Variants in CHRNA4 observed in about 807,000 individuals in gnomAD.
The protein encoded by CHRNA4 is cholinergic receptor nicotinic alpha 4 subunit.
CHRNA4 carries 28 observed loss-of-function variants against 48.9 expected under a neutral mutation model. The observed-to-expected ratio is 0.57, with a 90% CI of 0.42 to 0.79. CHRNA4 has a LOEUF of 0.79. CHRNA4 is among the 30% of genes least tolerant of loss of function. CHRNA4 has a pLI of 0.00. For synonymous variants in CHRNA4, 425 were observed against 402.3 expected (o/e 1.06, Z -0.68); for missense variants, 859 against 898.4 (o/e 0.96, Z 0.56).
chr20:63,346,351 C>T lies in CHRNA4; in HGVS notation c.*387G>A, dbSNP rs1214011084. 2.1e-6 allele frequency: 1 copy of T among 467,644 alleles called. No homozygotes were observed. The highest frequency in any genetic ancestry group is 6.4e-5 in the East Asian group (1 of 15,506). The allele number at this position is 467,644 out of a possible 1,614,324, so 29.0% of individuals were successfully genotyped here. A position where few individuals can be genotyped will look rare whatever the true frequency, so the allele number is the denominator to read the frequency against. ...TTGGGGCTGAAGGGGCGTGAACTCCCTTCAAGGGCCCCTTGGGGCGGTCGG... is the reference window on the plus strand; with the variant it reads ...TTGGGGCTGAAGGGGCGTGAACTCCTTTCAAGGGCCCCTTGGGGCGGTCGG... On this transcript the variant is annotated 3_prime_UTR_variant, in exon 6 of 6. Transcript: ENST00000370263.
intron 2 of CHRNA4, 161 bp downstream of exon 2, chr20:63,359,387 C>T (rs1013011812): frequency 2.8e-5 from 25 of 888,256 alleles, no homozygotes; most frequent in East Asian, 5.3e-5. Flanking sequence ...GGGGCTCAGG[C>T]GGGGCAGAGC....
chr20:63,351,945 C>A (rs1317188040), intron 4 of CHRNA4, among the ~76,000 whole-genome samples: 1 of 152,206 alleles, frequency 6.6e-6, no homozygotes, highest in South Asian at 2.1e-4. Context: ...GCCAGGCTCA[C>A]GGGGGCAGCA....
chr20:63,350,329 G>A lies in CHRNA4; in HGVS notation c.1082C>T (p.Pro361Leu), dbSNP rs267606048. 5.0e-6 allele frequency: 8 copies of A among 1,613,262 alleles called. No individual in the cohort carries two copies. In the Admixed American group the frequency reaches 5.0e-5, roughly 10 times the overall value. ...IVPRLLLMKR[P>L]SVVKDNCRRL... ...CCGGCAATTGTCCTTGACCACGGAC[G>A]GCCGCTTCATGAGGAGCAGGCGTGG... Residue 361 changes from proline to leucine, a missense_variant, in exon 5 of 6, where the codon CCG becomes CTG. Coordinates refer to ENST00000370263, the MANE Select transcript of CHRNA4 (RefSeq NM_000744.7).
At position 63,359,580 on chromosome 20, in the gene CHRNA4, A is replaced by AGCGGACGAGGACC; in HGVS notation, c.183_195dup (p.Phe66GlyfsTer14). 2 of 1,612,728 alleles carry AGCGGACGAGGACC rather than the reference A, an allele frequency of 1.2e-6. No individual in the cohort carries two copies. Among genetic ancestry groups the AGCGGACGAGGACC allele is most frequent in the Non-Finnish European group, 1.7e-6 (2 of 1,179,924 alleles). ...ATGAGCTGAGCGATGGACAGGCCGA[A>AGCGGACGAGGACC]GCGGACGAGGACCACGTCCGAGATG... On this transcript the variant is annotated frameshift_variant, in exon 2 of 6. Transcript: ENST00000370263. LOFTEE classifies it high-confidence loss of function.
chr20:63,355,891 G>A (rs759624178), intron 4 of CHRNA4, 84 bp downstream of exon 4: 59 of 1,558,664 alleles, frequency 3.8e-5, no homozygotes, highest in Non-Finnish European at 4.4e-5. Flanking sequence ...CCTTGGTGGA[G>A]CTCCCTGTCT....
intron 4 of CHRNA4, chr20:63,354,727 G>A (rs753415161): frequency 1.1e-5 from 9 of 856,270 alleles, no homozygotes; most frequent in Admixed American, 6.2e-5. Context: ...TTCTCTGCCC[G>A]GCCCATCCTG....
chr20:63,347,373 T>A (rs1024054367), intron 5 of CHRNA4, among the ~76,000 whole-genome samples: 1 of 152,222 alleles, frequency 6.6e-6, no homozygotes, highest in African/African-American at 2.4e-5. Flanking sequence ...TGCCGCCATC[T>A]GCAGTCTCTC....
At chr20:63,358,831 G>A (rs948187591) in intron 2 of CHRNA4, among the ~76,000 whole-genome samples, 1 of 152,070 alleles carries the variant, frequency 6.6e-6, no homozygotes, top group Non-Finnish European at 1.5e-5. Context: ...CAGGGCCGCC[G>A]AGACCCCCAG....
At chr20:63,351,081 A>G in intron 4 of CHRNA4, 54 bp from the exon 5 acceptor site, 1 of 1,498,486 alleles carries the variant, frequency 6.7e-7, no homozygotes, top group Non-Finnish European at 9.1e-7. Context: ...GCCCACGTCC[A>G]CACCCACGCC....
rs1391023919 is a variant in CHRNA4, at chr20:63,359,714, A to G, written c.77-15T>C. The G allele has an allele frequency of 6.2e-7, 1 of 1,609,442 alleles. No individual in the cohort carries two copies. The highest frequency in any genetic ancestry group is 8.5e-7 in the Non-Finnish European group (1 of 1,179,578). On this transcript the variant is annotated splice_polypyrimidine_tract_variant and intron_variant, in intron 1 of 5. Coordinates refer to ENST00000370263, the MANE Select transcript of CHRNA4 (RefSeq NM_000744.7). ...ATGGCTGCTGGCTGCGGGGAGAGGC[A>G]GGCCAGTGGCTCAGGTGCAGGCGGG...
In CHRNA4 at chr20:63,345,664, C is replaced by G; in HGVS notation, c.*1074G>C. On this transcript the variant is annotated 3_prime_UTR_variant, in exon 6 of 6. Transcript: ENST00000370263. The surrounding 1 kb of genome is among the most constrained non-coding windows in gnomAD (Gnocchi z 5.4). ...TCCCATGAGGCTTCTCAGGGACTTC[C>G]TGCCCCGAGGGTCCCAGCATCTCCC... 1 of 453,944 alleles carries G rather than the reference C, an allele frequency of 2.2e-6. No individual in the cohort carries two copies. Among genetic ancestry groups the G allele is most frequent in the South Asian group, 1.6e-5 (1 of 64,476 alleles). The allele number at this position is 453,944 out of a possible 1,614,324, so 28.1% of individuals were successfully genotyped here.
At chr20:63,359,367 A>T in intron 2 of CHRNA4, 181 bp downstream of exon 2, 1 of 772,194 alleles carries the variant, frequency 1.3e-6, no homozygotes, top group African/African-American at 1.7e-5. Context: ...CTCTGAATCA[A>T]CCCTTGGCTG....
rs200524076 is a variant in CHRNA4, at chr20:63,361,166, G to C, written c.-1C>G. 8 of 1,478,080 alleles carry C rather than the reference G, an allele frequency of 5.4e-6. No homozygotes were observed. Among genetic ancestry groups the C allele is most frequent in the Non-Finnish European group, 7.1e-6 (8 of 1,120,494 alleles). 91.6% of individuals were successfully genotyped at this position (1,478,080 alleles called of 1,614,324 possible). A position where few individuals can be genotyped will look rare whatever the true frequency, so the allele number is the denominator to read the frequency against. On this transcript the variant is annotated 5_prime_UTR_variant, in exon 1 of 6. Coordinates refer to ENST00000370263, the MANE Select transcript of CHRNA4 (RefSeq NM_000744.7). ...GCGCTCCGGGGCCCCCTAGCTCCAT[G>C]GCGCACGCACCTCGCGGGCTCTAGA...
At chr20:63,354,605 C>G in intron 4 of CHRNA4, 1 of 386,348 alleles carries the variant, frequency 2.6e-6, no homozygotes, top group Non-Finnish European at 3.0e-6. Context: ...CTGCAGTACT[C>G]GGGGGGCTGT....
rs200896432 is a variant in CHRNA4 at position 63,345,671 on chromosome 20, G to A, written c.*1067C>T. The A allele has an allele frequency of 9.0e-5, 41 of 453,762 alleles. No individual in the cohort carries two copies. The highest frequency in any genetic ancestry group is 1.5e-4 in the Non-Finnish European group (35 of 226,650). The allele number at this position is 453,762 out of a possible 1,614,324, so 28.1% of individuals were successfully genotyped here. A position where few individuals can be genotyped will look rare whatever the true frequency, so the allele number is the denominator to read the frequency against. On this transcript the variant is annotated 3_prime_UTR_variant, in exon 6 of 6. Coordinates refer to ENST00000370263, the MANE Select transcript of CHRNA4 (RefSeq NM_000744.7). This position sits in a 1 kb window ranked among gnomAD's most constrained non-coding sequence, Gnocchi z 5.4. ...AGGCTTCTCAGGGACTTCCTGCCCC[G>A]AGGGTCCCAGCATCTCCCAGGTGGA... is the stretch of plus-strand genomic sequence containing the variant.
chr20:63,343,316 G>A lies in CHRNA4; in HGVS notation c.*3422C>T, dbSNP rs918537239. On this transcript the variant is annotated 3_prime_UTR_variant, in exon 6 of 6. Coordinates refer to ENST00000370263, the MANE Select transcript of CHRNA4 (RefSeq NM_000744.7). The stretch of plus-strand genomic sequence containing the variant: ...CATTGCCTGCAGAAGCCGGGCGGCC[G>A]CACCTGGGCTCGGCGGGCCACACGG... 2.5e-5 allele frequency: 11 copies of A among 446,688 alleles called. No homozygotes were observed. The highest frequency in any genetic ancestry group is 3.6e-5 in the Non-Finnish European group (8 of 220,890). 27.7% of individuals were successfully genotyped at this position (446,688 alleles called of 1,614,324 possible). A position where few individuals can be genotyped will look rare whatever the true frequency, so the allele number is the denominator to read the frequency against.
intron 4 of CHRNA4, among the ~76,000 whole-genome samples, chr20:63,352,283 C>G (rs2145392022): frequency 6.6e-6 from 1 of 152,310 alleles, no homozygotes; most frequent in South Asian, 2.1e-4. Context: ...ACCTGCACCT[C>G]AACCTCCCTC....
chr20:63,351,916 C>G (rs113449121), intron 4 of CHRNA4, among the ~76,000 whole-genome samples: 46 of 152,332 alleles, frequency 3.0e-4, no homozygotes, highest in African/African-American at 1.1e-3. Flanking sequence ...ACTGCAGGAG[C>G]ACATTCAGGG....
chr20:63,353,308 G>C (rs937578074), intron 4 of CHRNA4, among the ~76,000 whole-genome samples: 3 of 152,166 alleles, frequency 2.0e-5, no homozygotes, highest in Non-Finnish European at 4.4e-5. Flanking sequence ...CCTGGGTCCT[G>C]TCCGGAGAGA....
Sources: allele counts gnomAD v4.1 joint callset (sites outside exome capture counted in the v4.1 genomes callset), GRCh38; gene constraint gnomAD v4.1.1; non-coding constraint Gnocchi (gnomAD v3.1); transcripts MANE v1.5; gene names NCBI Gene and HGNC (gene_info 2026-07-23, HGNC 2026-07-21).